EMC8: variants seen among roughly 807,000 people sequenced by gnomAD.
The protein encoded by EMC8 is COX4 neighbor.
Under a neutral mutation model 24.3 loss-of-function variants are expected in EMC8, and 11 were observed. The observed-to-expected ratio is 0.45, with a 90% CI of 0.28 to 0.75. EMC8 has a LOEUF of 0.75. Ranked by LOEUF, EMC8 falls within the 30% of genes least tolerant of loss-of-function variation. EMC8 has a pLI of 0.12. For synonymous variants in EMC8, 145 were observed against 117.7 expected (o/e 1.23, Z -1.50); for missense variants, 277 against 282.7 (o/e 0.98, Z 0.14).
At chr16:85,780,224 G>A (rs562139148) in intron 4 of EMC8, 155 bp downstream of exon 4, 6 of 646,890 alleles carry the variant, frequency 9.3e-6, no homozygotes, top group Admixed American at 2.4e-5. Flanking sequence ...GCCTGGAAGC[G>A]CTGGAACACT....
chr16:85,784,574 G>C (rs1164887227), intron 2 of EMC8: 1 of 152,060 alleles, frequency 6.6e-6, no homozygotes, highest in African/African-American at 2.4e-5. Context: ...GAGGTTTTCA[G>C]GTAGAAGCCA....
chr16:85,789,174 C>T lies in EMC8; in HGVS notation c.232-124G>A, dbSNP rs773838372. ...ATGACAGAATCTTAATCCTCATACC[C>T]TACACCCCAGAAGAAAGGGTAGGAC... is the stretch of plus-strand genomic sequence containing the variant. On this transcript the variant is annotated intron_variant, in intron 1 of 4. Coordinates refer to ENST00000253457, the MANE Select transcript of EMC8 (RefSeq NM_006067.5). The T allele has an allele frequency of 2.0e-4, 144 of 719,390 alleles. 1 individual carries two copies. The highest frequency in any genetic ancestry group is 3.2e-4 in the Non-Finnish European group (127 of 400,788). The allele number at this position is 719,390 out of a possible 1,614,324, so 44.6% of individuals were successfully genotyped here. A position where few individuals can be genotyped will look rare whatever the true frequency, so the allele number is the denominator to read the frequency against.
intron 1 of EMC8, chr16:85,792,523 C>G (rs1421147246): frequency 6.6e-6 from 1 of 152,234 alleles, no homozygotes; most frequent in Non-Finnish European, 1.5e-5. Context: ...TCAGCACTCA[C>G]AGCGGCAGGG....
At chr16:85,797,018 T>C (rs1905265576) in intron 1 of EMC8, among the ~76,000 whole-genome samples, 1 of 152,184 alleles carries the variant, frequency 6.6e-6, no homozygotes, top group South Asian at 2.1e-4. Flanking sequence ...ATTAGAAAAG[T>C]GAATAATCCC....
chr16:85,790,408 C>A (rs1047375830), intron 1 of EMC8, among the ~76,000 whole-genome samples: 1 of 152,134 alleles, frequency 6.6e-6, no homozygotes, highest in Admixed American at 6.6e-5. Flanking sequence ...TCTGGTCATC[C>A]ACCCAAAAGA....
chr16:85,784,691 C>T (rs1026852942), intron 2 of EMC8: 4 of 152,112 alleles, frequency 2.6e-5, no homozygotes, highest in South Asian at 4.1e-4. Context: ...ACAGCACTAA[C>T]GGCAAGTGGT....
intron 1 of EMC8, among the ~76,000 whole-genome samples, chr16:85,797,330 T>C (rs985847307): frequency 2.6e-5 from 4 of 152,058 alleles, no homozygotes; most frequent in African/African-American, 9.7e-5. Flanking sequence ...ATCACCTGAA[T>C]CTGGGAGGTG....
intron 4 of EMC8, 167 bp downstream of exon 4, chr16:85,780,212 C>T (rs1045780910): frequency 3.3e-5 from 21 of 632,444 alleles, no homozygotes; most frequent in Admixed American, 1.0e-4. Flanking sequence ...GTTCCCTCTA[C>T]TGCCTGGAAG....
intron 1 of EMC8, among the ~76,000 whole-genome samples, chr16:85,790,541 C>T (rs1489364460): frequency 6.6e-6 from 1 of 152,222 alleles, no homozygotes; most frequent in African/African-American, 2.4e-5. Flanking sequence ...CAGAAGCTTT[C>T]TATTGCTGCT....
chr16:85,794,942 C>A (rs1233838484), intron 1 of EMC8, among the ~76,000 whole-genome samples: 1 of 152,196 alleles, frequency 6.6e-6, no homozygotes, highest in Non-Finnish European at 1.5e-5. Flanking sequence ...GTCACTGTCC[C>A]CTCTGGGCAT....
chr16:85,788,396 G>C (rs1291573255), intron 2 of EMC8, among the ~76,000 whole-genome samples: 4 of 152,284 alleles, frequency 2.6e-5, no homozygotes, highest in Non-Finnish European at 5.9e-5. Flanking sequence ...GCCCTCCTCA[G>C]ATTATCACCA....
chr16:85,797,173 G>C (rs957987348), intron 1 of EMC8, among the ~76,000 whole-genome samples: 1 of 152,162 alleles, frequency 6.6e-6, no homozygotes, highest in Admixed American at 6.5e-5. Flanking sequence ...TTTGGGATGC[G>C]GAGGTGGCCG....
At chr16:85,784,786 A>G (rs1904676585) in intron 2 of EMC8, 1 of 152,240 alleles carries the variant, frequency 6.6e-6, no homozygotes, top group Admixed American at 6.5e-5. Context: ...CTTGGAAAGC[A>G]AAAGGCAGGG....
intron 2 of EMC8, chr16:85,784,542 A>C (rs894129861): frequency 2.0e-5 from 3 of 152,232 alleles, no homozygotes; most frequent in African/African-American, 7.2e-5. Flanking sequence ...TGTTAAGAAA[A>C]ATATGACTTA....
intron 2 of EMC8, among the ~76,000 whole-genome samples, chr16:85,785,560 A>G (rs1220620019): frequency 6.6e-6 from 1 of 151,254 alleles, no homozygotes; most frequent in Admixed American, 6.6e-5. Flanking sequence ...ACAGAGTGAG[A>G]CTCTGTCTGC....
At chr16:85,796,900 C>T (rs1156437824) in intron 1 of EMC8, among the ~76,000 whole-genome samples, 1 of 152,252 alleles carries the variant, frequency 6.6e-6, no homozygotes, top group Non-Finnish European at 1.5e-5. Flanking sequence ...AGGTGCTGTG[C>T]TTGCTGGCTT....
chr16:85,799,164 C>T lies in EMC8; in HGVS notation c.132G>A (p.Leu44=). The change falls in exon 1 of 5, where the codon CTG becomes CTA. Residue 44 remains leucine, a synonymous_variant. Transcript: ENST00000253457. The surrounding 1 kb of genome is among the most constrained non-coding windows in gnomAD (Gnocchi z 4.2). ...GGGTGTGGTGGGCGCCGGGGCCGCC[C>T]AGGGGGAGGTGCTCCTTACGCGGCT... ...KQKPRKEHLP[L]GGPGAHHTLF... 1 of 1,610,242 alleles carries T rather than the reference C, an allele frequency of 6.2e-7. No homozygotes were observed.
At chr16:85,787,805 G>C (rs573318579) in intron 2 of EMC8, among the ~76,000 whole-genome samples, 1 of 152,200 alleles carries the variant, frequency 6.6e-6, no homozygotes, top group African/African-American at 2.4e-5. Flanking sequence ...AGGATCCTGT[G>C]CCTGGACCCA....
chr16:85,799,176 C>T lies in EMC8; in HGVS notation c.120G>A (p.Glu40=), dbSNP rs2152079086. The T allele has an allele frequency of 6.2e-7, 1 of 1,612,190 alleles. No homozygotes were observed. Among genetic ancestry groups the T allele is most frequent in the African/African-American group, 1.3e-5 (1 of 75,028 alleles). Residue 40 remains glutamate (E), a synonymous_variant, in exon 1 of 5, where the codon GAG becomes GAA. Coordinates refer to ENST00000253457, the MANE Select transcript of EMC8 (RefSeq NM_006067.5). This position sits in a 1 kb window ranked among gnomAD's most constrained non-coding sequence, Gnocchi z 4.2. ...CGCCGGGGCCGCCCAGGGGGAGGTG[C>T]TCCTTACGCGGCTTCTGCTTCTCGG... ...LVAEKQKPRK[E]HLPLGGPGAH...
Sources: gnomAD v4.1 joint callset for allele counts (sites outside exome capture counted in the v4.1 genomes callset) on GRCh38, gnomAD v4.1.1 for gene constraint, Gnocchi (gnomAD v3.1) non-coding constraint, MANE v1.5 for transcripts, NCBI Gene and HGNC (gene_info 2026-07-23, HGNC 2026-07-21) for gene names.